RAD51B: variants seen among roughly 807,000 people sequenced by gnomAD.
RAD51B encodes the protein RAD51 paralog B, also known as DNA repair protein RAD51 homolog 2.
RAD51B carries 38 observed loss-of-function variants against 42.2 expected under a neutral mutation model. The observed-to-expected ratio is 0.90, with a 90% CI of 0.70 to 1.18. RAD51B has a LOEUF of 1.18. Ranked by LOEUF, RAD51B falls within the 50% of genes most tolerant of loss-of-function variation. The pLI is 0.00. For missense variants in RAD51B, 373 were observed against 400.7 expected, an observed-to-expected ratio of 0.93 and a Z score of 0.59; for synonymous variants, 154 against 145.2, an observed-to-expected ratio of 1.06 and a Z score of -0.43.
intron 10 of RAD51B, among the ~76,000 whole-genome samples, chr14:68,602,331 C>A (rs1279646122): frequency 6.6e-6 from 1 of 152,040 alleles, no homozygotes; most frequent in Non-Finnish European, 1.5e-5. Context: ...CCCCTCCCAG[C>A]ATCCTGACTG....
At chr14:68,017,925 C>T (rs932840916) in intron 7 of RAD51B, among the ~76,000 whole-genome samples, 14 of 151,900 alleles carry the variant, frequency 9.2e-5, no homozygotes, top group African/African-American at 3.1e-4. Context: ...GAGCTGAGAT[C>T]GTGTCACTGT....
chr14:68,308,599 C>G (rs12433769), intron 8 of RAD51B, among the ~76,000 whole-genome samples: 23 of 150,506 alleles, frequency 1.5e-4, no homozygotes, highest in Admixed American at 2.0e-4. Context: ...ACAAAACTTT[C>G]TAGAGGAGGC....
intron 8 of RAD51B, among the ~76,000 whole-genome samples, chr14:68,317,079 G>A (rs1458655609): frequency 6.6e-6 from 1 of 152,098 alleles, no homozygotes; most frequent in Non-Finnish European, 1.5e-5. Flanking sequence ...AGACAATTAA[G>A]TCTCAAGCTT....
intron 7 of RAD51B, among the ~76,000 whole-genome samples, chr14:68,176,520 A>T (rs533974786): frequency 6.6e-6 from 1 of 152,308 alleles, no homozygotes; most frequent in African/African-American, 2.4e-5. Context: ...CAACTCAATC[A>T]TCATTAGATG....
rs139277725 is a variant in RAD51B at position 67,877,693 on chromosome 14, C to T, written c.453-8176C>T. 2.6e-3 allele frequency among the ~76,000 whole-genome samples: 398 copies of T among 152,282 alleles called. 2 individuals are homozygous for T. The highest frequency in any genetic ancestry group is 9.0e-3 in the African/African-American group (375 of 41,566). ...ATAATTTAAAAAAATTTATTAGAGACGAGGTTTCACTCAGGCTAGAGTGCA... is the reference window on the plus strand; with the variant it reads ...ATAATTTAAAAAAATTTATTAGAGATGAGGTTTCACTCAGGCTAGAGTGCA... On this transcript the variant is annotated intron_variant, in intron 5 of 10. Coordinates refer to ENST00000471583, the MANE Select transcript of RAD51B (RefSeq NM_133510.4).
At chr14:68,676,078 T>C (rs943594313) in intron 11 of RAD51B, among the ~76,000 whole-genome samples, 5 of 152,254 alleles carry the variant, frequency 3.3e-5, no homozygotes, top group African/African-American at 1.2e-4. Context: ...ATTCTTACTA[T>C]GTGCCAGGCA....
At chr14:67,880,800 C>A (rs8017718) in intron 5 of RAD51B, among the ~76,000 whole-genome samples, 9,174 of 151,994 alleles carry the variant, frequency 0.06, 665 homozygotes, top group African/African-American at 0.18. Context: ...ATATGTTTTT[C>A]AAGAGTGTTA....
chr14:68,139,967 C>G (rs10150584), intron 7 of RAD51B, among the ~76,000 whole-genome samples: 12,581 of 152,188 alleles, frequency 0.083, 1,534 homozygotes, highest in African/African-American at 0.27. Flanking sequence ...ACAGTAATGT[C>G]TCCTCACTGC....
At position 68,383,392 on chromosome 14, in the gene RAD51B, A is replaced by C. The variant is rs181989867; in HGVS notation, c.854-28032A>C. On this transcript the variant is annotated intron_variant, in intron 8 of 10. Coordinates refer to ENST00000471583, the MANE Select transcript of RAD51B (RefSeq NM_133510.4). ...GACAATGCTAAGCATCCTACAATAA[A>C]CAGGATGGTCCCTCCAACCAAGACT... 4.6e-5 allele frequency among the ~76,000 whole-genome samples: 7 copies of C among 152,268 alleles called. No individual in the cohort carries two copies. The East Asian group carries it at 1.2e-3, about 25-fold the overall frequency.
At chr14:68,516,523 G>A (rs1594934396) in intron 10 of RAD51B, among the ~76,000 whole-genome samples, 1 of 152,282 alleles carries the variant, frequency 6.6e-6, no homozygotes, top group East Asian at 1.9e-4. Flanking sequence ...TAGTTATTTT[G>A]TTGGAAAAGG....
At chr14:67,919,310 G>A (rs1471094437) in intron 7 of RAD51B, among the ~76,000 whole-genome samples, 4 of 152,260 alleles carry the variant, frequency 2.6e-5, no homozygotes, top group Non-Finnish European at 5.9e-5. Context: ...AAGGATTCTC[G>A]AGCTGAAGAC....
intron 10 of RAD51B, among the ~76,000 whole-genome samples, chr14:68,622,115 C>T (rs2140116056): frequency 6.6e-6 from 1 of 152,346 alleles, no homozygotes; most frequent in South Asian, 2.1e-4. Context: ...TACCCTGTTA[C>T]CATCCAGCCC....
intron 9 of RAD51B, among the ~76,000 whole-genome samples, chr14:68,424,923 T>C (rs1332481826): frequency 1.3e-5 from 2 of 152,122 alleles, no homozygotes; most frequent in African/African-American, 4.8e-5. Flanking sequence ...TACAGGCACA[T>C]ACCACCACAC....
intron 7 of RAD51B, among the ~76,000 whole-genome samples, chr14:68,210,676 A>C: frequency 6.6e-6 from 1 of 152,150 alleles, no homozygotes; most frequent in Non-Finnish European, 1.5e-5. Flanking sequence ...ATGGACAACA[A>C]TCTCACAGAG....
intron 1 of RAD51B, among the ~76,000 whole-genome samples, chr14:67,821,229 T>C (rs1344328017): frequency 6.6e-6 from 1 of 152,186 alleles, no homozygotes; most frequent in Non-Finnish European, 1.5e-5. Flanking sequence ...ATCTCAACTA[T>C]GAGTATTCAA....
intron 7 of RAD51B, among the ~76,000 whole-genome samples, chr14:68,046,965 T>G (rs889709918): frequency 6.9e-6 from 1 of 144,734 alleles, no homozygotes; most frequent in African/African-American, 2.6e-5. Flanking sequence ...TTGCTTTTTG[T>G]TTTTTTTTTT....
chr14:68,241,933 T>C (rs1438480555), intron 7 of RAD51B, among the ~76,000 whole-genome samples: 1 of 152,224 alleles, frequency 6.6e-6, no homozygotes, highest in African/African-American at 2.4e-5. Context: ...ATTAAATGAT[T>C]CTGGCAGTGT....
chr14:68,681,846 A>G (rs540483994), intron 11 of RAD51B, among the ~76,000 whole-genome samples: 1 of 152,292 alleles, frequency 6.6e-6, no homozygotes, highest in Admixed American at 6.5e-5. Context: ...TTTAATTGTC[A>G]AGAATGCATA....
chr14:68,507,030 A>G (rs1442235585), intron 10 of RAD51B, among the ~76,000 whole-genome samples: 1 of 152,080 alleles, frequency 6.6e-6, no homozygotes, highest in East Asian at 1.9e-4. Context: ...TTGGTAGCAA[A>G]AGCTCTAGGT....
Sources: gnomAD v4.1 joint callset for allele counts (sites outside exome capture counted in the v4.1 genomes callset) on GRCh38, gnomAD v4.1.1 for gene constraint, MANE v1.5 for transcripts, NCBI Gene and HGNC (gene_info 2026-07-23, HGNC 2026-07-21) for gene names.